Variants in CDK5RAP1 observed in about 807,000 individuals in gnomAD.
The protein encoded by CDK5RAP1 is mitochondrial tRNA methylthiotransferase CDK5RAP1.
A neutral mutation model predicts 64.5 loss-of-function variants in CDK5RAP1; 62 were observed. The observed-to-expected ratio is 0.96, with a 90% confidence interval of 0.78 to 1.19. The LOEUF (loss-of-function observed/expected upper bound fraction) is 1.19, where lower values mean the gene tolerates loss of function less well. Among genes scored for constraint, CDK5RAP1 ranks in the 50% most tolerant of loss-of-function variants. The pLI is 0.00. For missense variants in CDK5RAP1, 657 were observed against 735.0 expected (o/e 0.89, Z 1.23); for synonymous variants, 250 against 261.9 (o/e 0.95, Z 0.44).
chr20:33,380,076 TA>T (rs1344151957), intron 7 of CDK5RAP1, among the ~76,000 whole-genome samples: 2 of 152,194 alleles, frequency 1.3e-5, no homozygotes, highest in Admixed American at 1.3e-4. Flanking sequence ...CTTTTACACC[TA>T]ACTTCCAGTT....
intron 12 of CDK5RAP1, among the ~76,000 whole-genome samples, chr20:33,365,815 G>A (rs928514685): frequency 2.6e-5 from 4 of 152,100 alleles, no homozygotes; most frequent in African/African-American, 7.2e-5. Flanking sequence ...CATAAAGTGC[G>A]CAGTTCCTGG....
chr20:33,389,313 G>A (rs1398445077), intron 5 of CDK5RAP1, among the ~76,000 whole-genome samples: 26 of 148,574 alleles, frequency 1.7e-4, no homozygotes, highest in African/African-American at 5.7e-4. Context: ...CTGCCCGGCC[G>A]CCCCGTCTGA....
chr20:33,393,680 C>CG (rs1988588198), intron 4 of CDK5RAP1, among the ~76,000 whole-genome samples: 1 of 152,124 alleles, frequency 6.6e-6, no homozygotes, highest in African/African-American at 2.4e-5. Flanking sequence ...CATCCTACCC[C>CG]GGGCAGCTAT....
intron 2 of CDK5RAP1, 86 bp downstream of exon 2, chr20:33,396,675 C>G (rs75837607): frequency 9.8e-7 from 1 of 1,017,894 alleles, no homozygotes; most frequent in African/African-American, 1.6e-5. Flanking sequence ...ACCTTCCAAG[C>G]CAGTTCTGTA....
chr20:33,368,230 C>T (rs924137234), intron 11 of CDK5RAP1, among the ~76,000 whole-genome samples: 2 of 152,084 alleles, frequency 1.3e-5, no homozygotes, highest in African/African-American at 4.8e-5. Flanking sequence ...CCAAAGTGAA[C>T]ATTCATATTC....
intron 11 of CDK5RAP1, among the ~76,000 whole-genome samples, chr20:33,367,662 C>G (rs539879790): frequency 6.6e-6 from 1 of 152,306 alleles, no homozygotes; most frequent in East Asian, 1.9e-4. Context: ...GAAGGAAGAA[C>G]CACTCATGTA....
chr20:33,373,214 G>A (rs1985398153), intron 9 of CDK5RAP1: 1 of 124,976 alleles, frequency 8.0e-6, no homozygotes, highest in East Asian at 2.1e-4. Flanking sequence ...TGTTGCCCAG[G>A]TGTGTGCATG....
rs1301266144 is a variant in CDK5RAP1 at position 33,372,901 on chromosome 20, T to C, written c.1206-204A>G. ...AATCTAGAGCCTATGAATTTTTATTTAAGGACATAAACTTTTTTTTTTTTT... is the reference window on the plus strand; with the variant it reads ...AATCTAGAGCCTATGAATTTTTATTCAAGGACATAAACTTTTTTTTTTTTT... On this transcript the variant is annotated intron_variant, in intron 9 of 13. Coordinates refer to ENST00000346416, the MANE Select transcript of CDK5RAP1 (RefSeq NM_016408.4). 7.9e-5 allele frequency: 30 copies of C among 378,314 alleles called. No homozygotes were observed. The East Asian group carries it at 1.2e-3, about 15-fold the overall frequency. The allele number at this position is 378,314 out of a possible 1,614,324, so 23.4% of individuals were successfully genotyped here.
intron 7 of CDK5RAP1, 90 bp from the exon 8 acceptor site, chr20:33,379,781 C>G: frequency 2.0e-6 from 2 of 982,156 alleles, no homozygotes; most frequent in Non-Finnish European, 3.0e-6. Flanking sequence ...ATTAACATAT[C>G]TTTTGTTTTA....
intron 10 of CDK5RAP1, 60 bp downstream of exon 10, chr20:33,372,582 A>T: frequency 1.1e-6 from 1 of 873,676 alleles, no homozygotes. Flanking sequence ...ACTGTATCTA[A>T]CCACAAGGCT....
chr20:33,391,249 TA>T (rs60730257), intron 5 of CDK5RAP1, among the ~76,000 whole-genome samples: 152 of 107,362 alleles, frequency 1.4e-3, no homozygotes, highest in South Asian at 2.0e-3. Flanking sequence ...ACTCTGTTTT[TA>T]AAAAAAAAAA....
intron 10 of CDK5RAP1, 52 bp downstream of exon 10, chr20:33,372,590 G>T: frequency 1.0e-6 from 1 of 968,582 alleles, no homozygotes; most frequent in Non-Finnish European, 1.5e-6. Flanking sequence ...TAACCACAAG[G>T]CTGGTCACTG....
chr20:33,400,725 G>A (rs1362971205), intron 1 of CDK5RAP1, among the ~76,000 whole-genome samples: 1 of 152,100 alleles, frequency 6.6e-6, no homozygotes, highest in Non-Finnish European at 1.5e-5. Context: ...TGAGGCAGGA[G>A]AATCGCTGGA....
At chr20:33,393,690 T>C (rs1390036680) in intron 4 of CDK5RAP1, among the ~76,000 whole-genome samples, 4 of 152,290 alleles carry the variant, frequency 2.6e-5, no homozygotes, top group Middle Eastern at 3.4e-3. Context: ...CGGGCAGCTA[T>C]ATTATAAACA....
At chr20:33,388,966 G>C (rs992035974) in intron 5 of CDK5RAP1, among the ~76,000 whole-genome samples, 1 of 152,152 alleles carries the variant, frequency 6.6e-6, no homozygotes, top group Non-Finnish European at 1.5e-5. Context: ...CGTGACCTCC[G>C]CTCGCTACAA....
At chr20:33,383,036 C>G (rs1986967455) in intron 7 of CDK5RAP1, among the ~76,000 whole-genome samples, 2 of 151,552 alleles carry the variant, frequency 1.3e-5, no homozygotes, top group Admixed American at 6.6e-5. Flanking sequence ...ACAAAATTAG[C>G]TGGGTGTAGT....
chr20:33,380,282 C>T (rs1600753224), intron 7 of CDK5RAP1, among the ~76,000 whole-genome samples: 2 of 152,284 alleles, frequency 1.3e-5, no homozygotes, highest in East Asian at 1.9e-4. Context: ...GGCTGGAGTG[C>T]AGCAGCACGA....
At chr20:33,394,864 G>A (rs528756645) in intron 3 of CDK5RAP1, 149 bp downstream of exon 3, 342 of 602,490 alleles carry the variant, frequency 5.7e-4, no homozygotes, top group Non-Finnish European at 9.3e-4. Context: ...TGGAACAAAA[G>A]TACAACTCAG....
intron 1 of CDK5RAP1, among the ~76,000 whole-genome samples, chr20:33,399,162 CTT>C (rs74514770): frequency 6.9e-6 from 1 of 144,444 alleles, no homozygotes. Context: ...ATACTATTTA[CTT>C]TTTTTTTTTT....
Sources: gnomAD v4.1 joint callset for allele counts (sites outside exome capture counted in the v4.1 genomes callset) on GRCh38, gnomAD v4.1.1 for gene constraint, MANE v1.5 for transcripts, NCBI Gene and HGNC (gene_info 2026-07-23, HGNC 2026-07-21) for gene names.